Variants in PVT1 observed in about 807,000 individuals in gnomAD.
The protein encoded by PVT1 is CXCR4/PVT1 fusion.
intron 4 of PVT1, among the ~76,000 whole-genome samples, chr8:128,059,845 G>T (rs894673096): frequency 3.3e-5 from 5 of 152,218 alleles, no homozygotes; most frequent in African/African-American, 1.2e-4. Context: ...TAGAGTTGGG[G>T]TCTTGTTCCT....
intron 3 of PVT1, among the ~76,000 whole-genome samples, chr8:127,982,357 T>G (rs150495047): frequency 9.1e-4 from 138 of 152,364 alleles, no homozygotes; most frequent in African/African-American, 3.1e-3. Flanking sequence ...TTAATCATTC[T>G]AGTCTCTTCA....
chr8:128,027,869 T>C (rs970272640), intron 4 of PVT1, among the ~76,000 whole-genome samples: 2 of 152,222 alleles, frequency 1.3e-5, no homozygotes, highest in Non-Finnish European at 2.9e-5. Context: ...GTTTGCACTT[T>C]GCTGGCCATC....
chr8:127,922,368 A>T (rs1261453505), intron 3 of PVT1, among the ~76,000 whole-genome samples: 1 of 145,710 alleles, frequency 6.9e-6, no homozygotes, highest in Non-Finnish European at 1.5e-5. Flanking sequence ...GAAGTAGGTG[A>T]TGAAGCTTGA....
At chr8:127,800,584 G>T (rs1814452740) in intron 2 of PVT1, among the ~76,000 whole-genome samples, 1 of 152,092 alleles carries the variant, frequency 6.6e-6, no homozygotes, top group Admixed American at 6.6e-5. Context: ...TCATAAAATG[G>T]CAGCCTCCCT....
intron 5 of PVT1, among the ~76,000 whole-genome samples, chr8:128,088,049 G>A (rs13268851): frequency 0.34 from 51,808 of 151,902 alleles, 9,499 homozygotes; most frequent in Middle Eastern, 0.42. Context: ...GTAAGCCACC[G>A]TGCCCAGCCG....
chr8:128,049,864 G>A (rs1225192744), intron 4 of PVT1, among the ~76,000 whole-genome samples: 2 of 152,150 alleles, frequency 1.3e-5, no homozygotes, highest in Non-Finnish European at 2.9e-5. Flanking sequence ...CTATAGTAAC[G>A]CTTTTGCATT....
chr8:127,869,890 G>A (rs1815333070), intron 2 of PVT1, among the ~76,000 whole-genome samples: 3 of 152,080 alleles, frequency 2.0e-5, no homozygotes, highest in African/African-American at 4.8e-5. Context: ...TGCAACCTCT[G>A]CCTCCTGGGT....
intron 3 of PVT1, among the ~76,000 whole-genome samples, chr8:127,954,421 A>G (rs1174366350): frequency 1.4e-5 from 2 of 148,042 alleles, no homozygotes; most frequent in Non-Finnish European, 3.0e-5. Flanking sequence ...CAGCCTCCCC[A>G]GTAGCTGGGA....
chr8:127,807,929 G>A (rs546854768), intron 2 of PVT1, among the ~76,000 whole-genome samples: 34 of 151,846 alleles, frequency 2.2e-4, no homozygotes, highest in African/African-American at 7.0e-4. Context: ...TACCACGCCC[G>A]GTTAATTGTT....
chr8:128,006,946 T>A, intron 4 of PVT1, among the ~76,000 whole-genome samples: 1 of 152,342 alleles, frequency 6.6e-6, no homozygotes, highest in Middle Eastern at 3.4e-3. Flanking sequence ...ACACTTTGCC[T>A]GGTCCAGCCC....
chr8:128,005,589 A>T (rs1817237511), intron 4 of PVT1, among the ~76,000 whole-genome samples: 1 of 152,096 alleles, frequency 6.6e-6, no homozygotes, highest in South Asian at 2.1e-4. Flanking sequence ...AAACCTCAGA[A>T]CATCCCTCTG....
At chr8:127,822,911 G>C (rs997587443) in intron 2 of PVT1, among the ~76,000 whole-genome samples, 1 of 152,186 alleles carries the variant, frequency 6.6e-6, no homozygotes, top group Non-Finnish European at 1.5e-5. Flanking sequence ...CCCATGGAGA[G>C]CCAAGAAGGA....
In PVT1 at chr8:127,886,301, A is replaced by T. The variant is rs749717594; in HGVS notation, n.373-4288A>T. On this transcript the variant is annotated intron_variant and non_coding_transcript_variant, in intron 2 of 10. Transcript: ENST00000651587. ...ACTATTATATACTTAGGTGTGATTT[A>T]AAAAAATATATATCCTGCATGGGAT... Among the ~76,000 whole-genome samples, 48 of 152,210 alleles carry T rather than the reference A, an allele frequency of 3.2e-4. 1 individual carries two copies. The highest frequency in any genetic ancestry group is 9.8e-4 in the Admixed American group (15 of 15,282).
At chr8:128,080,535 T>C (rs1258795562) in intron 5 of PVT1, among the ~76,000 whole-genome samples, 1 of 152,232 alleles carries the variant, frequency 6.6e-6, no homozygotes. Flanking sequence ...CTCAGTTCTT[T>C]TGCTCATGTT....
chr8:127,932,574 A>G, intron 3 of PVT1: 1 of 398,574 alleles, frequency 2.5e-6, no homozygotes. Flanking sequence ...TGGAAGCATC[A>G]CTGGACTCCC....
At chr8:127,920,259 G>A (rs1816041113) in intron 3 of PVT1, among the ~76,000 whole-genome samples, 1 of 152,196 alleles carries the variant, frequency 6.6e-6, no homozygotes, top group Non-Finnish European at 1.5e-5. Flanking sequence ...GCAGAAACTC[G>A]TAGCTGACCT....
At chr8:127,983,260 G>A (rs1816905391) in intron 3 of PVT1, among the ~76,000 whole-genome samples, 1 of 152,178 alleles carries the variant, frequency 6.6e-6, no homozygotes, top group Admixed American at 6.5e-5. Flanking sequence ...AACAGTAGTA[G>A]CCATCCATTT....
intron 2 of PVT1, among the ~76,000 whole-genome samples, chr8:127,853,959 C>A (rs182648827): frequency 1.6e-4 from 24 of 152,304 alleles, no homozygotes; most frequent in African/African-American, 5.8e-4. Flanking sequence ...CTCTGTCCTG[C>A]CCTTTCTGTA....
intron 3 of PVT1, among the ~76,000 whole-genome samples, chr8:127,926,108 C>G (rs993685764): frequency 6.6e-6 from 1 of 152,318 alleles, no homozygotes; most frequent in East Asian, 1.9e-4. Context: ...GTCATGGTCT[C>G]TGGCCGGCTC....
Sources: allele counts gnomAD v4.1 joint callset (sites outside exome capture counted in the v4.1 genomes callset), GRCh38; gene constraint gnomAD v4.1.1; transcripts MANE v1.5; gene names NCBI Gene and HGNC (gene_info 2026-07-23, HGNC 2026-07-21).